PLPPR1: variants seen among roughly 807,000 people sequenced by gnomAD.
The protein encoded by PLPPR1 is phospholipid phosphatase-related protein type 1.
A neutral mutation model predicts 33.1 loss-of-function variants in PLPPR1; 10 were observed. The observed-to-expected ratio is 0.30, with a 90% confidence interval of 0.19 to 0.51. The LOEUF is 0.51. Ranked by LOEUF, PLPPR1 falls within the 20% of genes least tolerant of loss-of-function variation. PLPPR1 has a pLI of 0.97. For missense variants in PLPPR1, 304 were observed against 408.1 expected (o/e 0.74, Z 2.20); for synonymous variants, 151 against 151.0 (o/e 1.00, Z 0.00).
intron 1 of PLPPR1, among the ~76,000 whole-genome samples, chr9:101,082,056 A>G (rs536030552): frequency 6.6e-6 from 1 of 152,352 alleles, no homozygotes; most frequent in Non-Finnish European, 1.5e-5. Context: ...CATCCAATTA[A>G]TGTCTGGGCT....
At chr9:101,042,245 A>G (rs1048666146) in intron 1 of PLPPR1, among the ~76,000 whole-genome samples, 1 of 152,212 alleles carries the variant, frequency 6.6e-6, no homozygotes, top group Non-Finnish European at 1.5e-5. Flanking sequence ...GTAAGCCTTC[A>G]TCCAAGAGTG....
chr9:101,114,533 G>A (rs534100592), intron 1 of PLPPR1, among the ~76,000 whole-genome samples: 19 of 152,296 alleles, frequency 1.2e-4, no homozygotes, highest in Non-Finnish European at 2.5e-4. Flanking sequence ...AGGAGTATCA[G>A]ACCTCACTCT....
intron 2 of PLPPR1, among the ~76,000 whole-genome samples, chr9:101,237,925 CCTATATATATATATATG>C (rs1199604925): frequency 9.6e-5 from 7 of 73,076 alleles, no homozygotes; most frequent in Admixed American, 3.3e-4. Context: ...GGAGAATAAG[CCTATATATATATATATG>C]CTATATATAT....
chr9:101,316,559 G>A (rs1284844102), intron 6 of PLPPR1, among the ~76,000 whole-genome samples: 8 of 147,664 alleles, frequency 5.4e-5, no homozygotes, highest in African/African-American at 2.0e-4. Context: ...GAACATGCTG[G>A]ATGAAGAAAC....
intron 2 of PLPPR1, among the ~76,000 whole-genome samples, chr9:101,212,699 G>A (rs1471070726): frequency 6.6e-6 from 1 of 152,116 alleles, no homozygotes; most frequent in African/African-American, 2.4e-5. Flanking sequence ...AGTTATCAAG[G>A]ATCATTGTGT....
intron 2 of PLPPR1, among the ~76,000 whole-genome samples, chr9:101,191,023 G>A (rs1024374457): frequency 2.0e-5 from 3 of 152,166 alleles, no homozygotes; most frequent in African/African-American, 7.2e-5. Flanking sequence ...GTAGCTTGTA[G>A]TCCTGGCCAG....
At chr9:101,152,868 A>T (rs987834981) in intron 1 of PLPPR1, among the ~76,000 whole-genome samples, 1 of 152,136 alleles carries the variant, frequency 6.6e-6, no homozygotes, top group Non-Finnish European at 1.5e-5. Context: ...CTTAGGATTG[A>T]CTTGGCAATG....
chr9:101,079,510 G>C (rs1233556653), intron 1 of PLPPR1, among the ~76,000 whole-genome samples: 1 of 151,476 alleles, frequency 6.6e-6, no homozygotes, highest in African/African-American at 2.4e-5. Context: ...GCATGTAAGG[G>C]CTTCTAGATC....
intron 1 of PLPPR1, among the ~76,000 whole-genome samples, chr9:101,086,084 C>A (rs1264369632): frequency 6.6e-6 from 1 of 151,908 alleles, no homozygotes; most frequent in Non-Finnish European, 1.5e-5. Context: ...TATGAAAAGT[C>A]GATCATGTGC....
chr9:101,297,373 G>C (rs1170161036), intron 4 of PLPPR1, among the ~76,000 whole-genome samples: 1 of 152,096 alleles, frequency 6.6e-6, no homozygotes. Flanking sequence ...TTGAAGGATA[G>C]GCTTCTGCTT....
At chr9:101,236,301 T>A (rs777343442) in intron 2 of PLPPR1, among the ~76,000 whole-genome samples, 1 of 151,746 alleles carries the variant, frequency 6.6e-6, no homozygotes, top group Admixed American at 6.6e-5. Context: ...AATTTTACCC[T>A]CTGGCTGTTA....
chr9:101,266,117 T>C (rs1827987630), intron 2 of PLPPR1, among the ~76,000 whole-genome samples: 1 of 150,524 alleles, frequency 6.6e-6, no homozygotes, highest in Non-Finnish European at 1.5e-5. Flanking sequence ...CCCAGGGAGT[T>C]TGAGGATTGC....
Position 101,048,629 on chromosome 9 carries a change from G to A in PLPPR1, c.-46+19527G>A, listed in dbSNP as rs569334276. Among the ~76,000 whole-genome samples the A allele has an allele frequency of 2.0e-5, 3 of 152,322 alleles. No individual in the cohort carries two copies. In the South Asian group the frequency reaches 6.2e-4, roughly 32 times the overall value. ...TTAGGTAAAGTATAAAGATTAATGT[G>A]ACACTGTCTCATTTCAGGGAGAGTC... On this transcript the variant is annotated intron_variant, in intron 1 of 7. Coordinates refer to ENST00000374874, the MANE Select transcript of PLPPR1 (RefSeq NM_207299.2).
chr9:101,291,057 C>A (rs899308819), intron 4 of PLPPR1, among the ~76,000 whole-genome samples: 1 of 152,220 alleles, frequency 6.6e-6, no homozygotes, highest in African/African-American at 2.4e-5. Context: ...AAGACGGCAC[C>A]TGGAAAATCG....
intron 1 of PLPPR1, among the ~76,000 whole-genome samples, chr9:101,056,861 G>A (rs779762475): frequency 1.3e-5 from 2 of 152,124 alleles, no homozygotes; most frequent in Non-Finnish European, 2.9e-5. Flanking sequence ...GTGGACTGAA[G>A]TATGAACCAC....
intron 1 of PLPPR1, among the ~76,000 whole-genome samples, chr9:101,127,317 G>A (rs1310061262): frequency 6.6e-6 from 1 of 152,168 alleles, no homozygotes; most frequent in Non-Finnish European, 1.5e-5. Context: ...TGGGGGCAAC[G>A]AAGTCCGGCG....
chr9:101,177,749 AT>A (rs1395150223), intron 1 of PLPPR1, among the ~76,000 whole-genome samples: 2 of 145,800 alleles, frequency 1.4e-5, no homozygotes, highest in Admixed American at 1.4e-4. Context: ...TCTTCTTTAA[AT>A]TGACTATACC....
At chr9:101,172,397 C>T (rs1825956133) in intron 1 of PLPPR1, among the ~76,000 whole-genome samples, 1 of 151,580 alleles carries the variant, frequency 6.6e-6, no homozygotes, top group African/African-American at 2.4e-5. Flanking sequence ...TTTTCAGTGT[C>T]ACTTTATGGT....
intron 4 of PLPPR1, among the ~76,000 whole-genome samples, chr9:101,296,964 T>TA (rs1306681421): frequency 1.3e-5 from 2 of 151,758 alleles, no homozygotes; most frequent in South Asian, 2.1e-4. Context: ...AAATAAAATT[T>TA]AAAAAAACAC....
Sources: gnomAD v4.1 joint callset for allele counts (sites outside exome capture counted in the v4.1 genomes callset) on GRCh38, gnomAD v4.1.1 for gene constraint, MANE v1.5 for transcripts, NCBI Gene and HGNC (gene_info 2026-07-23, HGNC 2026-07-21) for gene names.